Variants in YBX3 observed in about 807,000 individuals in gnomAD.
The protein encoded by YBX3 is Y-box-binding protein 3.
YBX3 carries 29 observed loss-of-function variants against 42.4 expected under a neutral mutation model. That is an observed-to-expected ratio of 0.68 (90% CI 0.51 to 0.93). YBX3 has a LOEUF of 0.93. Ranked by LOEUF, YBX3 falls within the 40% of genes least tolerant of loss-of-function variation. The pLI is 0.00. For missense variants in YBX3, 517 were observed against 527.5 expected (o/e 0.98, Z 0.19); for synonymous variants, 195 against 189.8 (o/e 1.03, Z -0.22).
intron 2 of YBX3, 54 bp downstream of exon 2, chr12:10,719,026 G>A: frequency 6.5e-7 from 1 of 1,537,150 alleles, no homozygotes; most frequent in Non-Finnish European, 9.0e-7. Flanking sequence ...TATAACTCCT[G>A]GTGCCACAAT....
chr12:10,710,605 G>T (rs1397897230), intron 5 of YBX3: 2 of 1,253,832 alleles, frequency 1.6e-6, no homozygotes, highest in Non-Finnish European at 2.1e-6. Context: ...ACTTCCAGGG[G>T]GTCAGCGAGG....
intron 6 of YBX3, among the ~76,000 whole-genome samples, chr12:10,705,864 T>A (rs1162002100): frequency 6.6e-6 from 1 of 152,220 alleles, no homozygotes; most frequent in Non-Finnish European, 1.5e-5. Context: ...CCTATTGATG[T>A]GTTTCCAACA....
rs1948110056 is a variant in YBX3 at position 10,704,036 on chromosome 12, G to A, written c.878+15C>T. 6.2e-7 allele frequency: 1 copy of A among 1,613,520 alleles called. No individual in the cohort carries two copies. The highest frequency in any genetic ancestry group is 8.5e-7 in the Non-Finnish European group (1 of 1,179,530). On this transcript the variant is annotated intron_variant, in intron 7 of 9. Transcript: ENST00000228251. ...CAAGTCCTTTAACTGGCCATTAGTG[G>A]AAAATGCGACATACCTACGGTACCT...
chr12:10,703,802 T>G (rs1238970000), intron 7 of YBX3: 1 of 430,496 alleles, frequency 2.3e-6, no homozygotes, highest in African/African-American at 2.0e-5. Flanking sequence ...TTGATAAAAA[T>G]TAAGTATTAA....
At chr12:10,705,337 C>T (rs188136211) in intron 6 of YBX3, among the ~76,000 whole-genome samples, 1 of 152,174 alleles carries the variant, frequency 6.6e-6, no homozygotes, top group Non-Finnish European at 1.5e-5. Flanking sequence ...TCGTGATCTA[C>T]CCACCTCAGA....
At chr12:10,722,796 G>A in intron 1 of YBX3, 54 bp downstream of exon 1, 6 of 1,343,228 alleles carry the variant, frequency 4.5e-6, no homozygotes, top group African/African-American at 1.5e-5. Flanking sequence ...GTGCTCCGCG[G>A]CCGGCTGGGC....
chr12:10,706,231 G>C (rs1948135455), intron 6 of YBX3, among the ~76,000 whole-genome samples: 1 of 152,168 alleles, frequency 6.6e-6, no homozygotes, highest in Non-Finnish European at 1.5e-5. Flanking sequence ...ACGGGTAAGG[G>C]AGAGACCAGG....
chr12:10,723,294 T>C lies in YBX3; in HGVS notation c.-183A>G. ...GCGGCTCGAGCTTCGTGCTGCGCGC[T>C]CTCTCTTGGGCTCCTCGCTCGATCT... On this transcript the variant is annotated 5_prime_UTR_variant, in exon 1 of 10. Coordinates refer to ENST00000228251, the MANE Select transcript of YBX3 (RefSeq NM_003651.5). 1.0e-6 allele frequency: 1 copy of C among 994,828 alleles called. No homozygotes were observed. Among genetic ancestry groups the C allele is most frequent in the Non-Finnish European group, 1.3e-6 (1 of 790,940 alleles). 61.6% of individuals were successfully genotyped at this position (994,828 alleles called of 1,614,324 possible).
Position 10,709,987 on chromosome 12 carries a change from T to C in YBX3, c.701A>G (p.Gln234Arg), listed in dbSNP as rs767129316. The C allele has an allele frequency of 6.2e-6, 10 of 1,614,096 alleles. No homozygotes were observed. In the African/African-American group the frequency reaches 1.1e-4, roughly 17 times the overall value. The stretch of plus-strand genomic sequence containing the variant: ...CACGTGGTAAGGCGGGAACCGCCGC[T>C]GCCGGTACTGAGGGCGATACTGGGG... Reference protein sequence around the residue: ...RRPQYRPQYRQRRFPPYHVGQ... With the variant: ...RRPQYRPQYRRRRFPPYHVGQ... Residue 234 changes from glutamine (Q) to arginine (R), a missense_variant, in exon 6 of 10, where the codon CAG becomes CGG. Coordinates refer to ENST00000228251, the MANE Select transcript of YBX3 (RefSeq NM_003651.5).
rs946346640 is a variant in YBX3, at chr12:10,703,980, C to T, written c.878+71G>A. Reference sequence around the variant, plus strand: ...TATATAATAAATCCACAAAACGGAACCACACAGTCCTCATTCTACCATTGT... The same window carrying T: ...TATATAATAAATCCACAAAACGGAATCACACAGTCCTCATTCTACCATTGT... On this transcript the variant is annotated intron_variant, in intron 7 of 9. Coordinates refer to ENST00000228251, the MANE Select transcript of YBX3 (RefSeq NM_003651.5). The T allele has an allele frequency of 1.1e-5, 16 of 1,434,014 alleles. No homozygotes were observed. In the African/African-American group the frequency reaches 2.0e-4, roughly 18 times the overall value. 88.8% of individuals were successfully genotyped at this position (1,434,014 alleles called of 1,614,324 possible). A position where few individuals can be genotyped will look rare whatever the true frequency, so the allele number is the denominator to read the frequency against.
intron 1 of YBX3, chr12:10,720,840 G>A (rs1026984627): frequency 1.3e-5 from 2 of 152,122 alleles, no homozygotes; most frequent in African/African-American, 2.4e-5. Flanking sequence ...GTTTAAAAAA[G>A]TTTCGTAATT....
rs1948356025 is a variant in YBX3 at position 10,723,186 on chromosome 12, G to A, written c.-75C>T. On this transcript the variant is annotated 5_prime_UTR_variant, in exon 1 of 10. Transcript: ENST00000228251. Reference sequence around the variant, plus strand: ...GCGGTTAGCGCGGCTGGTGGTCGCGGCGGCCGGGGCTCGCTCTCGGGGAGG... The same window carrying A: ...GCGGTTAGCGCGGCTGGTGGTCGCGACGGCCGGGGCTCGCTCTCGGGGAGG... The A allele has an allele frequency of 2.5e-6, 3 of 1,181,330 alleles. No individual in the cohort carries two copies. The highest frequency in any genetic ancestry group is 3.1e-6 in the Non-Finnish European group (3 of 955,634). 73.2% of individuals were successfully genotyped at this position (1,181,330 alleles called of 1,614,324 possible). A position where few individuals can be genotyped will look rare whatever the true frequency, so the allele number is the denominator to read the frequency against.
chr12:10,718,774 G>A (rs898810341), intron 2 of YBX3, among the ~76,000 whole-genome samples: 1 of 152,046 alleles, frequency 6.6e-6, no homozygotes, highest in Non-Finnish European at 1.5e-5. Flanking sequence ...GTAAGACTCC[G>A]TTTCTCCATC....
chr12:10,718,078 T>C lies in YBX3; in HGVS notation c.360+10A>G. Reference sequence around the variant, plus strand: ...CACATAGCAAATGTAGTATTTATAATCCCTCTTACCTGATGTACAAATACA... The same window carrying C: ...CACATAGCAAATGTAGTATTTATAACCCCTCTTACCTGATGTACAAATACA... On this transcript the variant is annotated intron_variant, in intron 3 of 9. Transcript: ENST00000228251. The C allele has an allele frequency of 6.2e-7, 1 of 1,606,894 alleles. No homozygotes were observed. Among genetic ancestry groups the C allele is most frequent in the Non-Finnish European group, 8.5e-7 (1 of 1,176,430 alleles).
Position 10,702,093 on chromosome 12 carries a change from T to C in YBX3, c.920A>G (p.Glu307Gly). 1 of 1,614,048 alleles carries C rather than the reference T, an allele frequency of 6.2e-7. No homozygotes were observed. The highest frequency in any genetic ancestry group is 8.5e-7 in the Non-Finnish European group (1 of 1,179,978). Reference protein sequence around the residue: ...PRPRPAPAVGEAEDKENQQAT... With the variant: ...PRPRPAPAVGGAEDKENQQAT... ...TTGCTGATTTTCTTTATCTTCAGCC[T>C]CTCCAACTGCTGGGGCAGGTCGTGG... Residue 307 changes from glutamate to glycine, a missense_variant, in exon 8 of 10, where the codon GAG becomes GGG. Glu to Gly is a moderately conservative substitution (Grantham distance 98, BLOSUM62 -2). This residue lies in a region of YBX3 where 420 missense variants were observed against 408.5 expected (regional missense o/e 1.03). Coordinates refer to ENST00000228251, the MANE Select transcript of YBX3 (RefSeq NM_003651.5).
intron 1 of YBX3, 138 bp downstream of exon 1, chr12:10,722,712 C>G: frequency 1.2e-6 from 1 of 813,446 alleles, no homozygotes; most frequent in Non-Finnish European, 1.6e-6. Context: ...CCCTGGGGAC[C>G]CGGAGATCCC....
intron 9 of YBX3, among the ~76,000 whole-genome samples, 185 bp downstream of exon 9, chr12:10,701,069 C>A (rs11053908): frequency 2.0e-5 from 3 of 152,078 alleles, no homozygotes; most frequent in African/African-American, 4.8e-5. Flanking sequence ...CAAAGCTTAT[C>A]AAAATGAGGT....
intron 5 of YBX3, chr12:10,711,646 C>T (rs1354758694): frequency 6.6e-6 from 1 of 152,218 alleles, no homozygotes; most frequent in Non-Finnish European, 1.5e-5. Flanking sequence ...ACCAGCAATG[C>T]TGAACACACT....
At position 10,723,028 on chromosome 12, in the gene YBX3, C is replaced by T. The variant is rs1948351852; in HGVS notation, c.84G>A (p.Gln28=). 3 of 1,206,294 alleles carry T rather than the reference C, an allele frequency of 2.5e-6. No homozygotes were observed. Among genetic ancestry groups the T allele is most frequent in the Non-Finnish European group, 3.1e-6 (3 of 973,492 alleles). The allele number at this position is 1,206,294 out of a possible 1,614,324, so 74.7% of individuals were successfully genotyped here. A position where few individuals can be genotyped will look rare whatever the true frequency, so the allele number is the denominator to read the frequency against. ...CCACCGGGCTCTTGGGCGCGGGGTC[C>T]TGGGGAGCCGCGGCGGCCGCCTCCG... ...APTEAAAAAP[Q]DPAPKSPVGS... Residue 28 remains glutamine (Q), a synonymous_variant, in exon 1 of 10, where the codon CAG becomes CAA. Coordinates refer to ENST00000228251, the MANE Select transcript of YBX3 (RefSeq NM_003651.5).
Sources: gnomAD v4.1 joint callset for allele counts (sites outside exome capture counted in the v4.1 genomes callset) on GRCh38, gnomAD v4.1.1 for gene constraint, gnomAD v4.1.1 regional missense constraint, MANE v1.5 for transcripts, NCBI Gene and HGNC (gene_info 2026-07-23, HGNC 2026-07-21) for gene names.